EVA1C: variants seen among roughly 807,000 people sequenced by gnomAD.
EVA1C encodes the protein eva-1 homolog C, also known as protein eva-1 homolog C.
Under a neutral mutation model 45.4 loss-of-function variants are expected in EVA1C, and 25 were observed. The ratio of observed to expected loss-of-function variants is 0.55; its 90% confidence interval spans 0.40 to 0.77. The LOEUF (loss-of-function observed/expected upper bound fraction) is 0.77, where lower values mean the gene tolerates loss of function less well. EVA1C is among the 30% of genes least tolerant of loss of function. The probability of loss-of-function intolerance (pLI) is 0.00; values close to 1 mark genes in which losing one functional copy is unlikely to be tolerated. For synonymous variants in EVA1C, 190 were observed against 221.2 expected (o/e 0.86, Z 1.25); for missense variants, 479 against 554.8 (o/e 0.86, Z 1.37).
chr21:32,461,464 T>A (rs2035994953), intron 3 of EVA1C, among the ~76,000 whole-genome samples: 1 of 152,174 alleles, frequency 6.6e-6, no homozygotes, highest in Non-Finnish European at 1.5e-5. Flanking sequence ...CTCCACACCT[T>A]CCTGCCTCTT....
intron 1 of EVA1C, among the ~76,000 whole-genome samples, chr21:32,422,068 G>C (rs1460353245): frequency 7.1e-6 from 1 of 140,402 alleles, no homozygotes; most frequent in Non-Finnish European, 1.5e-5. Context: ...AAAAAAGAGG[G>C]AATCTAAAAA....
chr21:32,475,786 A>C (rs1231889772), intron 4 of EVA1C, among the ~76,000 whole-genome samples: 1 of 152,128 alleles, frequency 6.6e-6, no homozygotes, highest in Non-Finnish European at 1.5e-5. Context: ...GCTGACTTCC[A>C]GCTGACTTCC....
At chr21:32,497,184 T>C in intron 5 of EVA1C, 2 of 797,870 alleles carry the variant, frequency 2.5e-6, no homozygotes, top group Non-Finnish European at 4.5e-6. Context: ...GTATTTGGAA[T>C]GAATGGAAGA....
chr21:32,414,373 G>C (rs972765021), intron 1 of EVA1C, among the ~76,000 whole-genome samples: 1 of 152,172 alleles, frequency 6.6e-6, no homozygotes, highest in Non-Finnish European at 1.5e-5. Flanking sequence ...TTGAGCTATG[G>C]AAAGCAGTTC....
At chr21:32,413,143 G>A (rs1232301107) in intron 1 of EVA1C, 130 bp downstream of exon 1, 1 of 768,002 alleles carries the variant, frequency 1.3e-6, no homozygotes, top group African/African-American at 1.8e-5. Context: ...ACAGACACTT[G>A]TCTGGTGTGA....
chr21:32,472,292 G>A (rs1422235599), intron 4 of EVA1C, among the ~76,000 whole-genome samples: 1 of 152,058 alleles, frequency 6.6e-6, no homozygotes. Context: ...CTGAGTAGCT[G>A]GGACTACAGG....
intron 3 of EVA1C, among the ~76,000 whole-genome samples, chr21:32,465,340 TC>T (rs1321691284): frequency 6.6e-6 from 1 of 152,062 alleles, no homozygotes; most frequent in East Asian, 1.9e-4. Context: ...TGGAAGAGGT[TC>T]TCTCTGGACA....
Position 32,468,387 on chromosome 21 carries a change from C to CA in EVA1C, c.634+542dup, listed in dbSNP as rs140254891. 3.5e-3 allele frequency among the ~76,000 whole-genome samples: 504 copies of CA among 143,868 alleles called. 1 individual carries two copies. The highest frequency in any genetic ancestry group is 0.012 in the African/African-American group (436 of 37,734). The allele number at this position is 143,868 out of a possible 152,430, so 94.4% of individuals were successfully genotyped here. On this transcript the variant is annotated intron_variant, in intron 4 of 7. Coordinates refer to ENST00000300255, the MANE Select transcript of EVA1C (RefSeq NM_058187.5). ...GACCCTGTCTCAAAAAACAAACAAA[C>CA]AAACAAAAAAACAAAACAAACAAAA...
At chr21:32,498,666 T>C (rs2146421488) in intron 5 of EVA1C, among the ~76,000 whole-genome samples, 1 of 150,684 alleles carries the variant, frequency 6.6e-6, no homozygotes, top group East Asian at 1.9e-4. Flanking sequence ...AACACTAGGG[T>C]ATGCACACTA....
chr21:32,506,378 G>GC (rs1225515309), intron 7 of EVA1C, among the ~76,000 whole-genome samples: 1 of 150,822 alleles, frequency 6.6e-6, no homozygotes, highest in Non-Finnish European at 1.5e-5. Flanking sequence ...CTATTTATAA[G>GC]ATGTCCATTT....
intron 1 of EVA1C, among the ~76,000 whole-genome samples, chr21:32,418,435 T>C (rs1406889987): frequency 1.3e-5 from 2 of 152,230 alleles, no homozygotes; most frequent in African/African-American, 2.4e-5. Flanking sequence ...CTGTTATTGA[T>C]GGCTTTGGTC....
chr21:32,484,191 G>T (rs1365184513), intron 4 of EVA1C, among the ~76,000 whole-genome samples: 1 of 152,040 alleles, frequency 6.6e-6, no homozygotes, highest in African/African-American at 2.4e-5. Flanking sequence ...CAAACCCCAG[G>T]GTTCCCTGGA....
intron 1 of EVA1C, among the ~76,000 whole-genome samples, chr21:32,423,017 G>T (rs2034342147): frequency 7.8e-6 from 1 of 127,626 alleles, no homozygotes; most frequent in Non-Finnish European, 1.6e-5. Context: ...GTTGCAGTGA[G>T]CCAAGATCAT....
intron 3 of EVA1C, among the ~76,000 whole-genome samples, chr21:32,462,059 A>G (rs1173839886): frequency 6.6e-6 from 1 of 152,118 alleles, no homozygotes; most frequent in East Asian, 1.9e-4. Flanking sequence ...GTTGGTAGCT[A>G]TTATTTCAAT....
chr21:32,451,044 C>G (rs1212611983), intron 1 of EVA1C, among the ~76,000 whole-genome samples: 1 of 152,206 alleles, frequency 6.6e-6, no homozygotes, highest in Non-Finnish European at 1.5e-5. Flanking sequence ...TAGCCTTCCT[C>G]TAGAGAGCAC....
At chr21:32,478,942 T>C (rs1191978522) in intron 4 of EVA1C, among the ~76,000 whole-genome samples, 1 of 152,220 alleles carries the variant, frequency 6.6e-6, no homozygotes, top group Non-Finnish European at 1.5e-5. Flanking sequence ...AAGATCGAGG[T>C]GCCAGAGGTT....
At chr21:32,422,044 C>CAAAAAA (rs57794940) in intron 1 of EVA1C, among the ~76,000 whole-genome samples, 12 of 92,254 alleles carry the variant, frequency 1.3e-4, no homozygotes, top group Non-Finnish European at 1.6e-4. Context: ...GACCCTGTCT[C>CAAAAAA]AAAAAAAAAA....
chr21:32,498,103 A>G (rs2037409983), intron 5 of EVA1C, among the ~76,000 whole-genome samples: 1 of 152,150 alleles, frequency 6.6e-6, no homozygotes, highest in Admixed American at 6.5e-5. Flanking sequence ...CATTCAGCAC[A>G]TTGCTCTTTG....
intron 7 of EVA1C, among the ~76,000 whole-genome samples, chr21:32,511,030 ACT>A (rs2037928057): frequency 2.9e-5 from 4 of 137,128 alleles, no homozygotes; most frequent in East Asian, 4.2e-4. Flanking sequence ...ACAAAGGGAG[ACT>A]CTCTCTCTCT....
Sources: allele counts gnomAD v4.1 joint callset (sites outside exome capture counted in the v4.1 genomes callset), GRCh38; gene constraint gnomAD v4.1.1; transcripts MANE v1.5; gene names NCBI Gene and HGNC (gene_info 2026-07-23, HGNC 2026-07-21).